HNMT: variants seen among roughly 807,000 people sequenced by gnomAD.
HNMT encodes histamine N-methyltransferase.
A neutral mutation model predicts 32.1 loss-of-function variants in HNMT; 30 were observed. The observed-to-expected ratio is 0.93, with a 90% confidence interval of 0.70 to 1.27. HNMT has a LOEUF of 1.27. Among genes scored for constraint, HNMT ranks in the 50% most tolerant of loss-of-function variants. The pLI is 0.00. For missense variants in HNMT, 327 were observed against 346.0 expected, an observed-to-expected ratio of 0.95 and a Z score of 0.43; for synonymous variants, 125 against 119.0, an observed-to-expected ratio of 1.05 and a Z score of -0.33.
rs557798155 is a variant in HNMT at position 138,015,432 on chromosome 2, A to G, written c.*1302A>G. On this transcript the variant is annotated 3_prime_UTR_variant, in exon 6 of 6. Transcript: ENST00000280097. ...GTAATGTTGCCGTATAATCACTTTAAAAAGTTAAACGACCCATCTCAATCA... is the reference window on the plus strand; with the variant it reads ...GTAATGTTGCCGTATAATCACTTTAGAAAGTTAAACGACCCATCTCAATCA... The G allele has an allele frequency of 6.6e-6, 1 of 152,220 alleles. No homozygotes were observed. The highest frequency in any genetic ancestry group is 2.1e-4 in the South Asian group (1 of 4,824). The allele number at this position is 152,220 out of a possible 1,614,324, so 9.4% of individuals were successfully genotyped here.
intron 2 of HNMT, among the ~76,000 whole-genome samples, chr2:137,995,715 A>T (rs1317922650): frequency 3.3e-5 from 5 of 152,196 alleles, no homozygotes; most frequent in Non-Finnish European, 7.3e-5. Context: ...CACAACAAAA[A>T]AAAGGAAACT....
chr2:137,978,114 T>G (rs1200339026), intron 2 of HNMT, among the ~76,000 whole-genome samples: 1 of 152,052 alleles, frequency 6.6e-6, no homozygotes, highest in Non-Finnish European at 1.5e-5. Context: ...ATCAAGAGTC[T>G]TATTCCAATC....
chr2:137,994,623 T>G lies in HNMT; in HGVS notation c.191-6295T>G, dbSNP rs562317231. Among the ~76,000 whole-genome samples, 4 of 152,190 alleles carry G rather than the reference T, an allele frequency of 2.6e-5. No homozygotes were observed. In the South Asian group the frequency reaches 8.3e-4, roughly 32 times the overall value. The stretch of plus-strand genomic sequence containing the variant: ...AGTATTAGATCAATGAGACAGAAAA[T>G]TAATAAGGATATTCAAGACTTGAAC... On this transcript the variant is annotated intron_variant, in intron 2 of 5. Transcript: ENST00000280097.
intron 2 of HNMT, among the ~76,000 whole-genome samples, chr2:137,988,299 T>G (rs535076158): frequency 1.6e-4 from 25 of 152,280 alleles, no homozygotes; most frequent in African/African-American, 6.0e-4. Flanking sequence ...TAGGCTGACC[T>G]TTTAGGATAT....
At chr2:137,971,268 C>T (rs1471978402) in intron 2 of HNMT, among the ~76,000 whole-genome samples, 2 of 152,038 alleles carry the variant, frequency 1.3e-5, no homozygotes, top group South Asian at 2.1e-4. Context: ...CAACCTCCAC[C>T]TCCCGGGTTC....
intron 2 of HNMT, among the ~76,000 whole-genome samples, chr2:137,994,757 G>A (rs544931507): frequency 2.5e-4 from 38 of 152,138 alleles, no homozygotes; most frequent in African/African-American, 5.8e-4. Flanking sequence ...TAAAATCTAC[G>A]ACATAATTGG....
chr2:137,997,921 G>C (rs1431601028), intron 2 of HNMT, among the ~76,000 whole-genome samples: 1 of 152,132 alleles, frequency 6.6e-6, no homozygotes, highest in African/African-American at 2.4e-5. Context: ...AACAGGAACA[G>C]AGAACCAAAT....
chr2:138,014,127 A>G lies in HNMT; in HGVS notation c.876A>G (p.Ala292=), dbSNP rs1316681747. ...NNTLSFIVIE[A] The stretch of plus-strand genomic sequence containing the variant: ...CTCTGAGTTTCATAGTGATTGAGGC[A>G]TAACTATCAATCACAAAAGTATATT... Residue 292 remains alanine, a synonymous_variant, in exon 6 of 6, where the codon GCA becomes GCG. Transcript: ENST00000280097. 3.4e-6 allele frequency: 5 copies of G among 1,491,138 alleles called. No homozygotes were observed. The highest frequency in any genetic ancestry group is 2.3e-5 in the East Asian group (1 of 43,844). 92.4% of individuals were successfully genotyped at this position (1,491,138 alleles called of 1,614,324 possible).
rs1215960729 is a variant in HNMT at position 138,016,327 on chromosome 2, C to T, written c.*2197C>T. The T allele has an allele frequency of 6.6e-6, 1 of 152,048 alleles. No individual in the cohort carries two copies. Among genetic ancestry groups the T allele is most frequent in the Non-Finnish European group, 1.5e-5 (1 of 67,998 alleles). The allele number at this position is 152,048 out of a possible 1,614,324, so 9.4% of individuals were successfully genotyped here. ...TATTATAAACAGAGCTCAAGAAACCCAATAAAGTTATGTGTTGCCAGTGTA... is the reference window on the plus strand; with the variant it reads ...TATTATAAACAGAGCTCAAGAAACCTAATAAAGTTATGTGTTGCCAGTGTA... On this transcript the variant is annotated 3_prime_UTR_variant, in exon 6 of 6. Coordinates refer to ENST00000280097, the MANE Select transcript of HNMT (RefSeq NM_006895.3).
At chr2:137,967,946 A>C (rs1022641983) in intron 1 of HNMT, among the ~76,000 whole-genome samples, 1 of 152,096 alleles carries the variant, frequency 6.6e-6, no homozygotes, top group South Asian at 2.1e-4. Flanking sequence ...TTGGTTTTCT[A>C]TTCAATCAAA....
chr2:137,972,354 C>A lies in HNMT; in HGVS notation c.190+2137C>A, dbSNP rs139312654. Among the ~76,000 whole-genome samples the A allele has an allele frequency of 9.2e-5, 14 of 152,218 alleles. No homozygotes were observed. In the East Asian group the frequency reaches 9.7e-4, roughly 10 times the overall value. ...CTCCTTACCTCAGGTGATTTGTCTG[C>A]CTCGGCCTCCCAAAGTGCTGAGATT... is the stretch of plus-strand genomic sequence containing the variant. On this transcript the variant is annotated intron_variant, in intron 2 of 5. Coordinates refer to ENST00000280097, the MANE Select transcript of HNMT (RefSeq NM_006895.3).
chr2:138,013,436 C>G (rs1344672744), intron 5 of HNMT, among the ~76,000 whole-genome samples: 1 of 152,074 alleles, frequency 6.6e-6, no homozygotes, highest in Non-Finnish European at 1.5e-5. Flanking sequence ...CTGCTCATCT[C>G]TCTCCTGGAG....
chr2:137,978,882 TAA>T (rs1680388383), intron 2 of HNMT, among the ~76,000 whole-genome samples: 1 of 139,632 alleles, frequency 7.2e-6, no homozygotes, highest in Non-Finnish European at 1.5e-5. Context: ...TCTTATATAA[TAA>T]ATAGTATAAA....
intron 4 of HNMT, among the ~76,000 whole-genome samples, chr2:138,003,246 T>A (rs3791238): frequency 0.28 from 43,004 of 151,432 alleles, 6,870 homozygotes; most frequent in African/African-American, 0.41. Flanking sequence ...ATAATAATAA[T>A]AAAAGAAAGG....
At chr2:137,969,671 T>C (rs910866454) in intron 1 of HNMT, among the ~76,000 whole-genome samples, 1 of 152,196 alleles carries the variant, frequency 6.6e-6, no homozygotes, top group African/African-American at 2.4e-5. Flanking sequence ...TCACATTTCA[T>C]TTTGAGAGCA....
intron 4 of HNMT, 189 bp downstream of exon 4, chr2:138,002,383 C>T: frequency 9.8e-7 from 1 of 1,023,316 alleles, no homozygotes; most frequent in Non-Finnish European, 1.2e-6. Context: ...TTTAACATTC[C>T]AAAAACCAGT....
rs1344846615 is a variant in HNMT at position 138,016,026 on chromosome 2, A to G, written c.*1896A>G. The G allele has an allele frequency of 6.6e-6, 1 of 152,126 alleles. No homozygotes were observed. The highest frequency in any genetic ancestry group is 1.5e-5 in the Non-Finnish European group (1 of 68,008). 9.4% of individuals were successfully genotyped at this position (152,126 alleles called of 1,614,324 possible). A position where few individuals can be genotyped will look rare whatever the true frequency, so the allele number is the denominator to read the frequency against. ...GAAAACCTACTAGTCAGCAATGGGAAGTTGTATAAATTCAAGGGATAAACC... is the reference window on the plus strand; with the variant it reads ...GAAAACCTACTAGTCAGCAATGGGAGGTTGTATAAATTCAAGGGATAAACC... On this transcript the variant is annotated 3_prime_UTR_variant, in exon 6 of 6. Coordinates refer to ENST00000280097, the MANE Select transcript of HNMT (RefSeq NM_006895.3).
chr2:137,991,564 T>G (rs1363443859), intron 2 of HNMT, among the ~76,000 whole-genome samples: 3 of 152,028 alleles, frequency 2.0e-5, no homozygotes, highest in African/African-American at 7.2e-5. Context: ...AAAATTATAA[T>G]AAAAGACTAT....
intron 2 of HNMT, among the ~76,000 whole-genome samples, chr2:137,979,431 T>G (rs997261874): frequency 6.6e-6 from 1 of 151,900 alleles, no homozygotes; most frequent in African/African-American, 2.4e-5. Context: ...TCACCACGTT[T>G]TTAGTAGAGA....
Sources: gnomAD v4.1 joint callset for allele counts (sites outside exome capture counted in the v4.1 genomes callset) on GRCh38, gnomAD v4.1.1 for gene constraint, MANE v1.5 for transcripts, NCBI Gene and HGNC (gene_info 2026-07-23, HGNC 2026-07-21) for gene names.